Variants in KIF16B observed in about 807,000 individuals in gnomAD.
KIF16B encodes the protein kinesin family member 16B.
KIF16B carries 98 observed loss-of-function variants against 156.3 expected under a neutral mutation model. The observed-to-expected ratio is 0.63, with a 90% CI of 0.53 to 0.74. The LOEUF (loss-of-function observed/expected upper bound fraction) is 0.74. Ranked by LOEUF, KIF16B falls within the 30% of genes least tolerant of loss-of-function variation. The pLI is 0.00. For missense variants in KIF16B, 1,421 were observed against 1,606.5 expected (o/e 0.88, Z 1.97); for synonymous variants, 564 against 583.7 (o/e 0.97, Z 0.49).
At chr20:16,477,301 A>G (rs577427055) in intron 12 of KIF16B, among the ~76,000 whole-genome samples, 70 of 150,690 alleles carry the variant, frequency 4.6e-4, no homozygotes, top group Non-Finnish European at 9.0e-4. Context: ...TATGAAGATG[A>G]TGATCTCTAA....
intron 1 of KIF16B, among the ~76,000 whole-genome samples, chr20:16,542,027 T>C (rs538484538): frequency 1.3e-5 from 2 of 152,304 alleles, no homozygotes; most frequent in Admixed American, 1.3e-4. Context: ...CAACCTCCCC[T>C]TTAAAATGAT....
At chr20:16,419,850 T>A (rs911426534) in intron 15 of KIF16B, among the ~76,000 whole-genome samples, 2 of 152,182 alleles carry the variant, frequency 1.3e-5, no homozygotes, top group Non-Finnish European at 2.9e-5. Flanking sequence ...TATCATTTCA[T>A]ATTAAGTATA....
chr20:16,415,377 C>T (rs759276808), intron 15 of KIF16B, among the ~76,000 whole-genome samples: 5 of 152,102 alleles, frequency 3.3e-5, no homozygotes, highest in Non-Finnish European at 5.9e-5. Flanking sequence ...TTGTTCCTTC[C>T]GAAATAGTTC....
At chr20:16,554,387 C>T (rs2147313647) in intron 1 of KIF16B, among the ~76,000 whole-genome samples, 1 of 152,242 alleles carries the variant, frequency 6.6e-6, no homozygotes, top group African/African-American at 2.4e-5. Context: ...CAACAGATGA[C>T]CTGCCTGCAG....
intron 1 of KIF16B, among the ~76,000 whole-genome samples, chr20:16,535,981 T>C (rs2069944171): frequency 6.6e-6 from 1 of 152,208 alleles, no homozygotes; most frequent in African/African-American, 2.4e-5. Context: ...GAAATCTGAC[T>C]ACTGGGTATT....
Position 16,380,048 on chromosome 20 carries a change from G to C in KIF16B, c.1954C>G (p.Arg652Gly). The C allele has an allele frequency of 6.3e-7, 1 of 1,575,560 alleles. No homozygotes were observed. Among genetic ancestry groups the C allele is most frequent in the Non-Finnish European group, 8.6e-7 (1 of 1,164,380 alleles). ...CGTTTGAGGCTCTCCTCCTGCTTGC[G>C]AATCTGGAGCTGCACGATTTCTGTC... is the stretch of plus-strand genomic sequence containing the variant. The part of the protein sequence containing the change: ...KETEIVQLQI[R>G]KQEESLKRRS... Residue 652 changes from arginine to glycine, a missense_variant, in exon 19 of 26, where the codon CGC (arginine) becomes GGC (glycine). Arg to Gly is a moderately radical substitution (Grantham distance 125). Transcript: ENST00000354981.
intron 25 of KIF16B, among the ~76,000 whole-genome samples, chr20:16,288,006 A>G (rs773040425): frequency 6.6e-5 from 10 of 152,242 alleles, no homozygotes; most frequent in Non-Finnish European, 1.2e-4. Context: ...AGTACTCACT[A>G]TGGATCTTTG....
chr20:16,472,319 T>C (rs145964368), intron 12 of KIF16B, among the ~76,000 whole-genome samples: 148 of 152,284 alleles, frequency 9.7e-4, no homozygotes, highest in African/African-American at 3.3e-3. Flanking sequence ...GTACTTTATA[T>C]AGATTATCTC....
intron 25 of KIF16B, among the ~76,000 whole-genome samples, chr20:16,290,950 A>T (rs981095032): frequency 1.4e-4 from 21 of 152,202 alleles, no homozygotes; most frequent in African/African-American, 5.1e-4. Flanking sequence ...TTTCAAACAG[A>T]TATTACCTAC....
At chr20:16,306,433 G>GT (rs1271920859) in intron 25 of KIF16B, among the ~76,000 whole-genome samples, 2 of 152,048 alleles carry the variant, frequency 1.3e-5, no homozygotes, top group African/African-American at 4.8e-5. Context: ...AATCTTTATC[G>GT]TTTTGGACAA....
chr20:16,464,740 C>A (rs1489981103), intron 12 of KIF16B, among the ~76,000 whole-genome samples: 1 of 152,160 alleles, frequency 6.6e-6, no homozygotes, highest in Non-Finnish European at 1.5e-5. Flanking sequence ...GGTACCCAAG[C>A]GCCCATTGTT....
At chr20:16,459,914 C>A (rs1402300148) in intron 12 of KIF16B, among the ~76,000 whole-genome samples, 2 of 152,252 alleles carry the variant, frequency 1.3e-5, no homozygotes, top group South Asian at 4.1e-4. Context: ...TTTCTAGATA[C>A]ATGAAACTGT....
At chr20:16,441,155 C>T (rs550619563) in intron 12 of KIF16B, among the ~76,000 whole-genome samples, 21 of 152,228 alleles carry the variant, frequency 1.4e-4, no homozygotes, top group Middle Eastern at 3.4e-3. Context: ...AACATTAACA[C>T]GAGGTAAAAC....
At chr20:16,359,215 G>C (rs1004819554) in intron 22 of KIF16B, among the ~76,000 whole-genome samples, 2 of 152,136 alleles carry the variant, frequency 1.3e-5, no homozygotes, top group African/African-American at 4.8e-5. Context: ...TAATAATCTT[G>C]GTGTTGGAGG....
At chr20:16,397,533 A>T (rs1222836664) in intron 17 of KIF16B, among the ~76,000 whole-genome samples, 1 of 152,230 alleles carries the variant, frequency 6.6e-6, no homozygotes, top group African/African-American at 2.4e-5. Context: ...TGTTTAGAAA[A>T]TTAGTAGATG....
At chr20:16,382,044 G>T in intron 17 of KIF16B, 1 of 1,146,204 alleles carries the variant, frequency 8.7e-7, no homozygotes. Flanking sequence ...TGATAAGCAC[G>T]TCTACTCCAT....
At chr20:16,396,424 A>C (rs1017538923) in intron 17 of KIF16B, among the ~76,000 whole-genome samples, 10 of 152,178 alleles carry the variant, frequency 6.6e-5, no homozygotes, top group Non-Finnish European at 1.5e-4. Context: ...AATGTAAAAA[A>C]ATTTATGAAA....
At chr20:16,323,705 T>C (rs1048896208) in intron 24 of KIF16B, among the ~76,000 whole-genome samples, 2 of 151,862 alleles carry the variant, frequency 1.3e-5, no homozygotes, top group African/African-American at 2.4e-5. Context: ...TGCAACATAC[T>C]AGACCCTCCT....
At chr20:16,538,986 G>C (rs1407074714) in intron 1 of KIF16B, among the ~76,000 whole-genome samples, 2 of 152,100 alleles carry the variant, frequency 1.3e-5, no homozygotes, top group African/African-American at 4.8e-5. Context: ...ATGAGTAATA[G>C]CTTCCTGAGG....
Sources: gnomAD v4.1 joint callset for allele counts (sites outside exome capture counted in the v4.1 genomes callset) on GRCh38, gnomAD v4.1.1 for gene constraint, MANE v1.5 for transcripts, NCBI Gene and HGNC (gene_info 2026-07-23, HGNC 2026-07-21) for gene names.